Variants in EPB41L3 observed in about 807,000 individuals in gnomAD.
EPB41L3 encodes erythrocyte membrane protein band 4.1 like 3, also known as band 4.1-like protein 3.
A neutral mutation model predicts 127.1 loss-of-function variants in EPB41L3; 57 were observed. The observed-to-expected ratio is 0.45, with a 90% CI of 0.36 to 0.56. The LOEUF (loss-of-function observed/expected upper bound fraction) is 0.56, where lower values mean the gene tolerates loss of function less well. Among genes scored for constraint, EPB41L3 ranks in the 20% least tolerant of loss-of-function variants. The pLI, the probability that EPB41L3 is intolerant of heterozygous loss-of-function variation, is 0.00. For synonymous variants in EPB41L3, 572 were observed against 549.5 expected, an observed-to-expected ratio of 1.04 and a Z score of -0.57; for missense variants, 1,273 against 1,372.2, an observed-to-expected ratio of 0.93 and a Z score of 1.14.
At chr18:5,445,554 T>C (rs986658496) in intron 3 of EPB41L3, among the ~76,000 whole-genome samples, 1 of 152,198 alleles carries the variant, frequency 6.6e-6, no homozygotes, top group Non-Finnish European at 1.5e-5. Context: ...GAAAATAATG[T>C]GATGCTTGGA....
intron 3 of EPB41L3, among the ~76,000 whole-genome samples, chr18:5,476,522 C>CCT (rs1188401435): frequency 1.3e-5 from 2 of 152,170 alleles, no homozygotes; most frequent in African/African-American, 4.8e-5. Context: ...AAGGCATTAT[C>CCT]CTCTCTATGT....
intron 3 of EPB41L3, among the ~76,000 whole-genome samples, chr18:5,611,477 G>C (rs1170516102): frequency 6.6e-6 from 1 of 152,184 alleles, no homozygotes; most frequent in African/African-American, 2.4e-5. Context: ...AAGGAAAATG[G>C]AGAGCTGTTG....
chr18:5,540,554 A>C (rs2093689721), intron 1 of EPB41L3: 3 of 985,354 alleles, frequency 3.0e-6, no homozygotes, highest in Non-Finnish European at 3.6e-6. Flanking sequence ...CAAATCAAAT[A>C]ACAGCAGAAC....
intron 1 of EPB41L3, among the ~76,000 whole-genome samples, chr18:5,625,299 A>G (rs1234010312): frequency 1.3e-5 from 2 of 151,890 alleles, no homozygotes; most frequent in African/African-American, 2.4e-5. Context: ...AGGTAGCAAG[A>G]GCCAGAGCCA....
chr18:5,433,674 A>C, intron 7 of EPB41L3, 118 bp from the exon 8 acceptor site: 1 of 937,350 alleles, frequency 1.1e-6, no homozygotes, highest in Non-Finnish European at 1.6e-6. Context: ...CAGCAGATAC[A>C]TGAGAAAAGA....
chr18:5,465,109 T>C (rs117851608), intron 3 of EPB41L3, among the ~76,000 whole-genome samples: 1,720 of 152,332 alleles, frequency 0.011, 18 homozygotes, highest in Non-Finnish European at 0.02. Flanking sequence ...ACATCTTCTG[T>C]CTAATCTCAG....
chr18:5,407,662 T>G, intron 15 of EPB41L3, 39 bp downstream of exon 15: 3 of 1,581,216 alleles, frequency 1.9e-6, no homozygotes, highest in Non-Finnish European at 2.6e-6. Flanking sequence ...CACTGTTGTT[T>G]TGTTGTTGTT....
rs547807457 is a variant in EPB41L3 at position 5,447,880 on chromosome 18, T to C, written c.382-2636A>G. 1.5e-4 allele frequency among the ~76,000 whole-genome samples: 23 copies of C among 152,334 alleles called. No individual in the cohort carries two copies. The South Asian group carries it at 3.1e-3, about 21-fold the overall frequency. On this transcript the variant is annotated intron_variant, in intron 3 of 22. Coordinates refer to ENST00000341928, the MANE Select transcript of EPB41L3 (RefSeq NM_012307.5). ...TTTCTTACTGAATATTTTAAACATA[T>C]TTTAAACACTGGTTTTAAAGACAAT...
At chr18:5,474,610 C>T (rs2147778007) in intron 3 of EPB41L3, among the ~76,000 whole-genome samples, 1 of 151,864 alleles carries the variant, frequency 6.6e-6, no homozygotes, top group East Asian at 1.9e-4. Flanking sequence ...AAAAACATCA[C>T]AATTTTATGA....
chr18:5,604,877 T>C (rs1568635706), intron 3 of EPB41L3, among the ~76,000 whole-genome samples: 1 of 152,180 alleles, frequency 6.6e-6, no homozygotes, highest in East Asian at 1.9e-4. Context: ...ACAAAAAAGT[T>C]ACGCCCATAT....
At position 5,434,117 on chromosome 18, in the gene EPB41L3, A is replaced by G; in HGVS notation, c.610T>C (p.Tyr204His). 2 of 1,613,916 alleles carry G rather than the reference A, an allele frequency of 1.2e-6. No individual in the cohort carries two copies. The highest frequency in any genetic ancestry group is 1.7e-6 in the Non-Finnish European group (2 of 1,179,836). The stretch of plus-strand genomic sequence containing the variant: ...TCATCTCGCAACTGCAAGCAGAGGT[A>G]GTACCTTCCAGGAACCAAAAGCACA... ...AQLSEDITRY[Y>H]LCLQLRDDIV... is the part of the protein sequence containing the mutation. The change falls in exon 7 of 23, where the codon TAC (tyrosine) becomes CAC (histidine). Residue 204 changes from tyrosine (Y) to histidine (H), a missense_variant. Coordinates refer to ENST00000341928, the MANE Select transcript of EPB41L3 (RefSeq NM_012307.5).
chr18:5,471,236 G>A (rs1260821555), intron 3 of EPB41L3, among the ~76,000 whole-genome samples: 1 of 152,184 alleles, frequency 6.6e-6, no homozygotes, highest in Admixed American at 6.5e-5. Context: ...CTTTCTTTCT[G>A]AAGAAGCAGT....
Position 5,489,097 on chromosome 18 carries a change from C to A in EPB41L3, c.87G>T (p.Ala29=). The change falls in exon 2 of 23, where the codon GCG becomes GCT. Residue 29 remains alanine, a synonymous_variant. Coordinates refer to ENST00000341928, the MANE Select transcript of EPB41L3 (RefSeq NM_012307.5). ...PQEAAGAQGR[A]GAPVPEPPKE... ...TGGGCGGCTCCGGCACGGGCGCCCC[C>A]GCGCGCCCCTGCGCCCCCGCCGCCT... is the stretch of plus-strand genomic sequence containing the variant. The A allele has an allele frequency of 1.9e-6, 3 of 1,595,940 alleles. No homozygotes were observed. The African/African-American group carries it at 4.1e-5, about 22-fold the overall frequency.
At chr18:5,489,647 C>A (rs2090354366) in intron 1 of EPB41L3, among the ~76,000 whole-genome samples, 1 of 152,222 alleles carries the variant, frequency 6.6e-6, no homozygotes, top group African/African-American at 2.4e-5. Context: ...GCCCTCCCAA[C>A]CCCCTGAATC....
chr18:5,431,973 A>G (rs2079067407), intron 8 of EPB41L3, among the ~76,000 whole-genome samples: 1 of 152,172 alleles, frequency 6.6e-6, no homozygotes, highest in African/African-American at 2.4e-5. Flanking sequence ...CACAAATGTC[A>G]AAGAGCTTGG....
chr18:5,484,110 A>C (rs9963747), intron 2 of EPB41L3, among the ~76,000 whole-genome samples: 3,640 of 136,064 alleles, frequency 0.027, 66 homozygotes, highest in African/African-American at 0.076. Flanking sequence ...AAAAAAAAAA[A>C]AAAAAAAAAA....
chr18:5,561,779 C>T (rs1320476668), intron 3 of EPB41L3, among the ~76,000 whole-genome samples: 2 of 152,094 alleles, frequency 1.3e-5, no homozygotes, highest in Admixed American at 1.3e-4. Context: ...CCAGTAGACG[C>T]CACCTTAACC....
chr18:5,609,807 CAT>C (rs5822866), intron 3 of EPB41L3, among the ~76,000 whole-genome samples: 75,310 of 151,662 alleles, frequency 0.5, 20,745 homozygotes, highest in East Asian at 0.92. Context: ...AGTGTCAAGA[CAT>C]GTGGGATATC....
At chr18:5,447,364 G>T (rs1455452138) in intron 3 of EPB41L3, among the ~76,000 whole-genome samples, 1 of 151,176 alleles carries the variant, frequency 6.6e-6, no homozygotes, top group Non-Finnish European at 1.5e-5. Flanking sequence ...TCCTGGTGGT[G>T]CCAATAAGCA....
Sources: gnomAD v4.1 joint callset for allele counts (sites outside exome capture counted in the v4.1 genomes callset) on GRCh38, gnomAD v4.1.1 for gene constraint, MANE v1.5 for transcripts, NCBI Gene and HGNC (gene_info 2026-07-23, HGNC 2026-07-21) for gene names.